The following NAV2 variants were observed in gnomAD, a reference collection of about 807,000 sequenced individuals.
NAV2 encodes neuron navigator 2.
NAV2 carries 54 observed loss-of-function variants against 223.2 expected under a neutral mutation model. The ratio of observed to expected loss-of-function variants is 0.24; its 90% CI spans 0.19 to 0.30. The LOEUF is 0.30. NAV2 is among the 10% of genes least tolerant of loss of function. The probability of loss-of-function intolerance (pLI) is 1.00; values close to 1 mark genes in which losing one functional copy is unlikely to be tolerated. For missense variants in NAV2, 2,806 were observed against 3,147.5 expected (o/e 0.89, Z 2.60); for synonymous variants, 1,279 against 1,239.3 (o/e 1.03, Z -0.67).
chr11:19,883,056 G>T (rs924336761), intron 5 of NAV2, among the ~76,000 whole-genome samples: 3 of 152,150 alleles, frequency 2.0e-5, no homozygotes, highest in African/African-American at 7.2e-5. Flanking sequence ...AAAATTCCAA[G>T]GGCAGTGGTT....
chr11:19,432,174 G>A (rs1305898288), intron 1 of NAV2, among the ~76,000 whole-genome samples: 2 of 148,404 alleles, frequency 1.3e-5, no homozygotes, highest in Non-Finnish European at 3.0e-5. Flanking sequence ...CTCCAGCCTG[G>A]GCAACAAGAG....
At chr11:19,357,815 C>G (rs923854856) in intron 1 of NAV2, among the ~76,000 whole-genome samples, 1 of 152,184 alleles carries the variant, frequency 6.6e-6, no homozygotes, top group African/African-American at 2.4e-5. Flanking sequence ...TCTTTCCACA[C>G]GTTAAATTAC....
intron 1 of NAV2, among the ~76,000 whole-genome samples, chr11:19,790,126 G>A (rs1019757715): frequency 7.9e-5 from 12 of 152,140 alleles, no homozygotes; most frequent in Non-Finnish European, 1.0e-4. Flanking sequence ...TCATGCTCCC[G>A]GCTGCATGCT....
intron 1 of NAV2, among the ~76,000 whole-genome samples, chr11:19,420,630 A>G (rs762303056): frequency 5.9e-5 from 9 of 152,204 alleles, no homozygotes; most frequent in Non-Finnish European, 1.3e-4. Context: ...ATGTTGAACA[A>G]AAGAAGCCAG....
intron 1 of NAV2, among the ~76,000 whole-genome samples, chr11:19,723,690 C>A (rs1036076460): frequency 6.6e-6 from 1 of 152,218 alleles, no homozygotes; most frequent in Non-Finnish European, 1.5e-5. Flanking sequence ...GCAATCTGGG[C>A]AGGATCTCCT....
At chr11:19,791,891 AG>A (rs1299868980) in intron 1 of NAV2, among the ~76,000 whole-genome samples, 1 of 152,086 alleles carries the variant, frequency 6.6e-6, no homozygotes, top group African/African-American at 2.4e-5. Context: ...TGATTTTTAG[AG>A]GGGCTATATG....
At chr11:19,687,996 C>T (rs1378439431) in intron 1 of NAV2, among the ~76,000 whole-genome samples, 2 of 152,210 alleles carry the variant, frequency 1.3e-5, no homozygotes, top group Non-Finnish European at 2.9e-5. Flanking sequence ...GAAGTTGCTA[C>T]AGACTCTAGC....
At chr11:20,007,734 T>C (rs966397475) in intron 11 of NAV2, among the ~76,000 whole-genome samples, 1 of 152,152 alleles carries the variant, frequency 6.6e-6, no homozygotes, top group Non-Finnish European at 1.5e-5. Flanking sequence ...TGTGAGCTCA[T>C]TGATCAGCAG....
intron 11 of NAV2, among the ~76,000 whole-genome samples, chr11:20,033,899 T>C (rs1392295893): frequency 1.3e-5 from 2 of 152,192 alleles, no homozygotes; most frequent in Non-Finnish European, 2.9e-5. Flanking sequence ...GCTGCCACTT[T>C]GTAGGGCTTT....
chr11:19,504,037 G>A (rs1368146426), intron 1 of NAV2, among the ~76,000 whole-genome samples: 1 of 152,114 alleles, frequency 6.6e-6, no homozygotes, highest in East Asian at 1.9e-4. Context: ...AAGATATACG[G>A]ATGGCAAAAA....
intron 11 of NAV2, among the ~76,000 whole-genome samples, chr11:19,997,406 G>T (rs1413579923): frequency 6.6e-6 from 1 of 152,188 alleles, no homozygotes; most frequent in Non-Finnish European, 1.5e-5. Flanking sequence ...ACCAGAAACA[G>T]AGGCTCCTTG....
At chr11:19,421,342 G>T (rs1475610353) in intron 1 of NAV2, among the ~76,000 whole-genome samples, 1 of 152,200 alleles carries the variant, frequency 6.6e-6, no homozygotes, top group Non-Finnish European at 1.5e-5. Context: ...GCTGGAAGAT[G>T]ACCTGGCTCT....
chr11:20,115,218 G>A (rs2062956893), intron 37 of NAV2, among the ~76,000 whole-genome samples: 1 of 152,150 alleles, frequency 6.6e-6, no homozygotes, highest in South Asian at 2.1e-4. Flanking sequence ...AGGTCTGAGG[G>A]CAGGAGGGAC....
At chr11:19,972,499 A>G (rs1791798936) in intron 10 of NAV2, among the ~76,000 whole-genome samples, 1 of 152,214 alleles carries the variant, frequency 6.6e-6, no homozygotes, top group Non-Finnish European at 1.5e-5. Context: ...ATAAGTGCCC[A>G]GAATAATCAC....
intron 1 of NAV2, among the ~76,000 whole-genome samples, chr11:19,660,666 A>G (rs1455565323): frequency 6.6e-6 from 1 of 152,218 alleles, no homozygotes; most frequent in African/African-American, 2.4e-5. Flanking sequence ...GAAAGTGTGG[A>G]CAAGATATAG....
chr11:20,103,322 C>T lies in NAV2; in HGVS notation c.6485C>T (p.Pro2162Leu), dbSNP rs1386067916. 1 of 1,614,024 alleles carries T rather than the reference C, an allele frequency of 6.2e-7. No individual in the cohort carries two copies. The highest frequency in any genetic ancestry group is 8.5e-7 in the Non-Finnish European group (1 of 1,179,998). Residue 2162 changes from proline (P) to leucine (L), a missense_variant, in exon 33 of 38, where the codon CCC becomes CTC. Around this residue, in one of 4 missense-constraint regions of NAV2, gnomAD observed 824 missense variants for 1,069.4 expected, o/e 0.77. Transcript: ENST00000349880. The part of the protein sequence containing the change: ...CNSENNAVDM[P>L]LVIILDNLHH... Reference sequence around the variant, plus strand: ...AGTGAGAACAATGCTGTGGACATGCCCCTCGTCATCATCCTGGACAACCTA... The same window carrying T: ...AGTGAGAACAATGCTGTGGACATGCTCCTCGTCATCATCCTGGACAACCTA...
At position 20,054,087 on chromosome 11, in the gene NAV2, C is replaced by T; in HGVS notation, c.4489C>T (p.Pro1497Ser). Residue 1497 changes from proline to serine, a missense_variant, in exon 18 of 38, where the codon CCC becomes TCC. Physicochemically the swap from Pro to Ser is moderately conservative, Grantham distance 74. Coordinates refer to ENST00000349880, the MANE Select transcript of NAV2 (RefSeq NM_145117.5). Reference protein sequence around the residue: ...TLPKKGLRYTPTSQLRTQEDA... With the variant: ...TLPKKGLRYTSTSQLRTQEDA... ...TGATTTCTGTCTGTCCAGGTATACT[C>T]CCACCTCCCAGCTTCGCACGCAAGA... The T allele has an allele frequency of 1.2e-6, 2 of 1,612,580 alleles. No individual in the cohort carries two copies. The highest frequency in any genetic ancestry group is 1.1e-5 in the South Asian group (1 of 90,760).
chr11:19,590,166 G>A (rs1007396571), intron 1 of NAV2, among the ~76,000 whole-genome samples: 1 of 152,214 alleles, frequency 6.6e-6, no homozygotes, highest in African/African-American at 2.4e-5. Flanking sequence ...TAGAGCTGCT[G>A]CGAGGATTAG....
intron 8 of NAV2, among the ~76,000 whole-genome samples, chr11:19,944,973 T>C (rs949774905): frequency 2.1e-5 from 3 of 144,302 alleles, no homozygotes; most frequent in African/African-American, 7.5e-5. Flanking sequence ...GTTCCGTTCC[T>C]TTTCTTTCCC....
Sources: allele counts gnomAD v4.1 joint callset (sites outside exome capture counted in the v4.1 genomes callset), GRCh38; gene constraint gnomAD v4.1.1; regional missense constraint gnomAD v4.1.1; transcripts MANE v1.5; gene names NCBI Gene and HGNC (gene_info 2026-07-23, HGNC 2026-07-21).